GRM7: variants seen among roughly 807,000 people sequenced by gnomAD.
GRM7 encodes metabotropic glutamate receptor 7.
Under a neutral mutation model 84.5 loss-of-function variants are expected in GRM7, and 35 were observed. The ratio of observed to expected loss-of-function variants is 0.41; its 90% CI spans 0.32 to 0.55. The LOEUF (loss-of-function observed/expected upper bound fraction) is 0.55, where lower values mean the gene tolerates loss of function less well. GRM7 is among the 20% of genes least tolerant of loss of function. The probability of loss-of-function intolerance (pLI) is 0.19; values close to 1 mark genes in which losing one functional copy is unlikely to be tolerated. For missense variants in GRM7, 1,003 were observed against 1,194.6 expected (o/e 0.84, Z 2.36); for synonymous variants, 487 against 455.1 (o/e 1.07, Z -0.89).
intron 4 of GRM7, among the ~76,000 whole-genome samples, chr3:7,394,386 G>T (rs1466232262): frequency 6.6e-6 from 1 of 152,180 alleles, no homozygotes; most frequent in Non-Finnish European, 1.5e-5. Flanking sequence ...TCGATCTTTT[G>T]TGAGATCATC....
At chr3:7,491,514 TA>T in intron 7 of GRM7, among the ~76,000 whole-genome samples, 1 of 152,330 alleles carries the variant, frequency 6.6e-6, no homozygotes, top group Middle Eastern at 3.4e-3. Context: ...ATTCTGTGTG[TA>T]TGGCATTGCC....
chr3:7,652,384 G>A (rs532091373), intron 8 of GRM7, among the ~76,000 whole-genome samples: 1 of 152,248 alleles, frequency 6.6e-6, no homozygotes, highest in South Asian at 2.1e-4. Context: ...ACTTTGGGTG[G>A]GTTTAGAGCA....
At chr3:7,621,966 GAAC>G (rs377120631) in intron 8 of GRM7, among the ~76,000 whole-genome samples, 2 of 152,250 alleles carry the variant, frequency 1.3e-5, no homozygotes, top group African/African-American at 4.8e-5. Context: ...GCAAATGCTA[GAAC>G]AACAACTCTA....
At chr3:7,202,288 T>C (rs540696497) in intron 2 of GRM7, among the ~76,000 whole-genome samples, 3 of 152,318 alleles carry the variant, frequency 2.0e-5, no homozygotes, top group African/African-American at 7.2e-5. Flanking sequence ...CTCAATTTCA[T>C]ATTCCCGATT....
At chr3:7,619,495 A>G (rs1008062621) in intron 8 of GRM7, among the ~76,000 whole-genome samples, 1 of 152,100 alleles carries the variant, frequency 6.6e-6, no homozygotes, top group African/African-American at 2.4e-5. Flanking sequence ...TTCCGGGCCT[A>G]TATACTAAAC....
intron 1 of GRM7, among the ~76,000 whole-genome samples, chr3:7,051,910 A>G (rs944699805): frequency 2.0e-5 from 3 of 151,848 alleles, no homozygotes; most frequent in Non-Finnish European, 4.4e-5. Flanking sequence ...GAAACTAAAT[A>G]AAGCTAATCT....
In GRM7 at chr3:6,983,873, T is replaced by C. The variant is rs148732422; in HGVS notation, c.519+121966T>C. Among the ~76,000 whole-genome samples, 1,204 of 152,178 alleles carry C rather than the reference T, an allele frequency of 7.9e-3. 18 individuals are homozygous for C. The highest frequency in any genetic ancestry group is 0.026 in the African/African-American group (1,096 of 41,514). ...ATCTTACTAAAGATATCTAACAGTATCTTTACATCTAACAATTAGATATTT... is the reference window on the plus strand; with the variant it reads ...ATCTTACTAAAGATATCTAACAGTACCTTTACATCTAACAATTAGATATTT... On this transcript the variant is annotated intron_variant, in intron 1 of 9. Transcript: ENST00000357716.
chr3:7,241,313 G>C (rs555519539), intron 2 of GRM7, among the ~76,000 whole-genome samples: 2 of 152,114 alleles, frequency 1.3e-5, no homozygotes, highest in Admixed American at 1.3e-4. Flanking sequence ...AGTGGTAGTG[G>C]TCACTGTCTG....
In GRM7 at chr3:7,444,631, T is replaced by C. The variant is rs9852923; in HGVS notation, c.1175-7976T>C. ...TTCACATGTTTGGAGTGTGTAAACA[T>C]TGAGACTGAAACATTCCTCCTTTCA... is the stretch of plus-strand genomic sequence containing the variant. On this transcript the variant is annotated intron_variant, in intron 5 of 9. Transcript: ENST00000357716. Among the ~76,000 whole-genome samples the C allele has an allele frequency of 5.7e-3, 867 of 152,248 alleles. 5 individuals are homozygous for C. Among genetic ancestry groups the C allele is most frequent in the African/African-American group, 0.018 (754 of 41,550 alleles).
At chr3:7,138,906 C>CA (rs1693854500) in intron 1 of GRM7, among the ~76,000 whole-genome samples, 1 of 150,736 alleles carries the variant, frequency 6.6e-6, no homozygotes, top group Non-Finnish European at 1.5e-5. Flanking sequence ...CATTAAGACC[C>CA]AAAAAGATAT....
At chr3:7,571,899 G>A (rs1466758672) in intron 7 of GRM7, among the ~76,000 whole-genome samples, 1 of 152,194 alleles carries the variant, frequency 6.6e-6, no homozygotes, top group Admixed American at 6.5e-5. Flanking sequence ...GCAAAGAGGA[G>A]TAAGTCATGT....
intron 7 of GRM7, among the ~76,000 whole-genome samples, chr3:7,465,702 C>A (rs1216887473): frequency 6.6e-6 from 1 of 151,888 alleles, no homozygotes; most frequent in African/African-American, 2.4e-5. Context: ...TTCATGGGTA[C>A]TTTTTCAATT....
intron 4 of GRM7, among the ~76,000 whole-genome samples, chr3:7,335,824 T>A (rs1300203444): frequency 6.6e-6 from 1 of 152,076 alleles, no homozygotes; most frequent in African/African-American, 2.4e-5. Context: ...GATACATTCC[T>A]GGAAATAAAC....
chr3:7,354,909 G>A (rs1693324240), intron 4 of GRM7, among the ~76,000 whole-genome samples: 1 of 152,160 alleles, frequency 6.6e-6, no homozygotes, highest in African/African-American at 2.4e-5. Context: ...GTCCTACACA[G>A]GGGTATATCA....
chr3:7,518,693 C>G (rs1297201624), intron 7 of GRM7, among the ~76,000 whole-genome samples: 1 of 152,176 alleles, frequency 6.6e-6, no homozygotes, highest in Non-Finnish European at 1.5e-5. Flanking sequence ...TGATCATACT[C>G]TTAAGAAGCC....
chr3:7,520,523 AC>A (rs1559376701), intron 7 of GRM7, among the ~76,000 whole-genome samples: 1 of 151,792 alleles, frequency 6.6e-6, no homozygotes, highest in Non-Finnish European at 1.5e-5. Context: ...AAAAAAAAAA[AC>A]ACCACCATGG....
At chr3:6,916,876 T>C (rs916598273) in intron 1 of GRM7, among the ~76,000 whole-genome samples, 2 of 152,198 alleles carry the variant, frequency 1.3e-5, no homozygotes, top group Non-Finnish European at 2.9e-5. Flanking sequence ...AAAATGTTTC[T>C]AAGAAACTGA....
intron 2 of GRM7, among the ~76,000 whole-genome samples, chr3:7,243,884 C>G (rs547751187): frequency 6.6e-6 from 1 of 152,110 alleles, no homozygotes; most frequent in African/African-American, 2.4e-5. Flanking sequence ...AATTGTAATA[C>G]AATGATAAGT....
At chr3:6,954,317 C>A (rs1411523370) in intron 1 of GRM7, among the ~76,000 whole-genome samples, 3 of 152,164 alleles carry the variant, frequency 2.0e-5, no homozygotes, top group African/African-American at 7.2e-5. Flanking sequence ...AACATTCAAA[C>A]TTTTTCTGCA....
Sources: allele counts gnomAD v4.1 joint callset (sites outside exome capture counted in the v4.1 genomes callset), GRCh38; gene constraint gnomAD v4.1.1; transcripts MANE v1.5; gene names NCBI Gene and HGNC (gene_info 2026-07-23, HGNC 2026-07-21).